DNAJC24: variants seen among roughly 807,000 people sequenced by gnomAD.
DNAJC24 encodes the protein DnaJ heat shock protein family (Hsp40) member C24.
Under a neutral mutation model 18.0 loss-of-function variants are expected in DNAJC24, and 17 were observed. The ratio of observed to expected loss-of-function variants is 0.94; its 90% CI spans 0.65 to 1.42. The LOEUF is 1.42. Ranked by LOEUF, DNAJC24 falls within the 40% of genes most tolerant of loss-of-function variation. The pLI is 0.00. For missense variants in DNAJC24, 158 were observed against 175.6 expected (o/e 0.90, Z 0.57); for synonymous variants, 55 against 57.7 (o/e 0.95, Z 0.21).
At chr11:31,421,892 G>A (rs1952807342) in intron 3 of DNAJC24, 2 of 397,048 alleles carry the variant, frequency 5.0e-6, no homozygotes, top group East Asian at 8.5e-5. Flanking sequence ...ACTGAACCAA[G>A]CTGCTAATAG....
At chr11:31,419,891 A>G (rs760267017) in intron 3 of DNAJC24, among the ~76,000 whole-genome samples, 4 of 152,212 alleles carry the variant, frequency 2.6e-5, no homozygotes, top group Non-Finnish European at 5.9e-5. Context: ...TATTCTCACA[A>G]CTACCACAGT....
In DNAJC24 at chr11:31,430,422, G is replaced by A. The variant is rs1343054483; in HGVS notation, c.*21G>A. The stretch of plus-strand genomic sequence containing the variant: ...ACTAAAATTGTTCACAACTTGAAAT[G>A]CTTTAACTGTGGTATTGAGACATGA... On this transcript the variant is annotated 3_prime_UTR_variant, in exon 5 of 5. Coordinates refer to ENST00000465995, the MANE Select transcript of DNAJC24 (RefSeq NM_181706.5). 3 of 1,594,398 alleles carry A rather than the reference G, an allele frequency of 1.9e-6. No individual in the cohort carries two copies. The African/African-American group carries it at 4.0e-5, about 21-fold the overall frequency.
At chr11:31,370,579 A>G (rs1374689775) in intron 1 of DNAJC24, 137 bp from the exon 2 acceptor site, 2 of 454,390 alleles carry the variant, frequency 4.4e-6, no homozygotes, top group Non-Finnish European at 7.9e-6. Flanking sequence ...TTTTAAATGA[A>G]AATCTGTGCT....
At position 31,430,329 on chromosome 11, in the gene DNAJC24, T is replaced by C; in HGVS notation, c.378T>C (p.Asp126=). The part of the protein sequence containing the change: ...RCGGKYSVSK[D]EAEEVSLISC... ...GTGGAAAATACAGTGTTTCCAAGGA[T>C]GAAGCGGAAGAAGTTAGCCTGATTT... The change falls in exon 5 of 5, where the codon GAT becomes GAC. Residue 126 remains aspartate, a synonymous_variant. Transcript: ENST00000465995. 4 of 1,612,164 alleles carry C rather than the reference T, an allele frequency of 2.5e-6. No individual in the cohort carries two copies. The highest frequency in any genetic ancestry group is 2.5e-6 in the Non-Finnish European group (3 of 1,178,636).
At chr11:31,418,074 A>G (rs999088179) in intron 3 of DNAJC24, among the ~76,000 whole-genome samples, 1 of 152,090 alleles carries the variant, frequency 6.6e-6, no homozygotes, top group African/African-American at 2.4e-5. Flanking sequence ...ATGAGTAATA[A>G]TTAGTTCCCA....
At chr11:31,423,237 T>G (rs1390166850) in intron 3 of DNAJC24, among the ~76,000 whole-genome samples, 1 of 152,178 alleles carries the variant, frequency 6.6e-6, no homozygotes, top group Non-Finnish European at 1.5e-5. Context: ...ACACACCCAT[T>G]TAACCAGAAA....
intron 2 of DNAJC24, among the ~76,000 whole-genome samples, chr11:31,403,124 CATGT>C (rs1232886443): frequency 2.7e-5 from 3 of 113,084 alleles, no homozygotes; most frequent in East Asian, 3.0e-4. Context: ...TGCATATATG[CATGT>C]GTGTGTGTGT....
chr11:31,370,404 T>C (rs1235352890), intron 1 of DNAJC24, among the ~76,000 whole-genome samples: 1 of 152,184 alleles, frequency 6.6e-6, no homozygotes, highest in Non-Finnish European at 1.5e-5. Context: ...AGTTTTATCA[T>C]AAGACTAGCA....
intron 2 of DNAJC24, among the ~76,000 whole-genome samples, chr11:31,390,430 G>A (rs1435240360): frequency 1.4e-5 from 2 of 147,658 alleles, no homozygotes; most frequent in Admixed American, 6.8e-5. Flanking sequence ...ATTAAAGGCC[G>A]GGTGCGGTGG....
rs1156601849 is a variant in DNAJC24, at chr11:31,430,606, T to A, written c.*205T>A. 3.9e-6 allele frequency: 1 copy of A among 257,704 alleles called. No individual in the cohort carries two copies. Among genetic ancestry groups the A allele is most frequent in the East Asian group, 7.9e-5 (1 of 12,706 alleles). The allele number at this position is 257,704 out of a possible 1,614,324, so 16.0% of individuals were successfully genotyped here. ...ATTTATAATTTATATTTACAAGTTG[T>A]CACAAAAATAGATTTGATTATATTT... On this transcript the variant is annotated 3_prime_UTR_variant, in exon 5 of 5. Coordinates refer to ENST00000465995, the MANE Select transcript of DNAJC24 (RefSeq NM_181706.5).
chr11:31,380,925 G>A (rs1312557872), intron 2 of DNAJC24, among the ~76,000 whole-genome samples: 1 of 152,066 alleles, frequency 6.6e-6, no homozygotes, highest in Non-Finnish European at 1.5e-5. Flanking sequence ...TATTAGTAAA[G>A]ATTTTTAAAG....
intron 3 of DNAJC24, chr11:31,415,942 A>G (rs922924026): frequency 2.0e-5 from 3 of 152,214 alleles, no homozygotes; most frequent in Non-Finnish European, 2.9e-5. Context: ...AGATGAAGCC[A>G]GTGACATTTG....
In DNAJC24 at chr11:31,370,763, G is replaced by A. The variant is rs989543073; in HGVS notation, c.15G>A (p.Glu5=). The change falls in exon 2 of 5, where the codon GAG becomes GAA. Residue 5 remains glutamate, a synonymous_variant. Transcript: ENST00000465995. MMAV[E]QMPKKDWYSI... is the part of the protein sequence containing the mutation. ...TGGTTCCATGGATGATGGCGGTTGA[G>A]CAGATGCCAAAAAAGGATTGGTACA... 7.3e-5 allele frequency: 117 copies of A among 1,608,978 alleles called. No individual in the cohort carries two copies. The highest frequency in any genetic ancestry group is 9.8e-5 in the Non-Finnish European group (116 of 1,178,218).
At chr11:31,426,521 CTTTA>C (rs1170183677) in intron 4 of DNAJC24, 166 bp downstream of exon 4, 4 of 488,140 alleles carry the variant, frequency 8.2e-6, no homozygotes, top group Non-Finnish European at 1.1e-5. Flanking sequence ...TAATTCTAAA[CTTTA>C]TTTATTGACT....
intron 2 of DNAJC24, chr11:31,408,350 A>G (rs1401403786): frequency 5.4e-6 from 2 of 371,582 alleles, no homozygotes; most frequent in East Asian, 1.5e-4. Flanking sequence ...AAGAATTGAT[A>G]TTTGTAACAA....
At chr11:31,426,459 T>C in intron 4 of DNAJC24, 104 bp downstream of exon 4, 1 of 654,768 alleles carries the variant, frequency 1.5e-6, no homozygotes, top group Non-Finnish European at 2.5e-6. Flanking sequence ...GAAATAATAG[T>C]GTGGCTTTCT....
At chr11:31,388,419 G>A (rs1055585867) in intron 2 of DNAJC24, among the ~76,000 whole-genome samples, 4 of 152,190 alleles carry the variant, frequency 2.6e-5, no homozygotes, top group African/African-American at 7.2e-5. Context: ...TCTGGCACCA[G>A]CCTTCCCAGT....
chr11:31,395,033 C>A (rs1952531993), intron 2 of DNAJC24, among the ~76,000 whole-genome samples: 1 of 152,160 alleles, frequency 6.6e-6, no homozygotes, highest in African/African-American at 2.4e-5. Context: ...CCTCTTCCCA[C>A]CCTCCACTCT....
At chr11:31,421,461 A>T (rs1952803279) in intron 3 of DNAJC24, among the ~76,000 whole-genome samples, 1 of 152,216 alleles carries the variant, frequency 6.6e-6, no homozygotes, top group Non-Finnish European at 1.5e-5. Flanking sequence ...TGTGATGATC[A>T]TGTGAATAAC....
Sources: gnomAD v4.1 joint callset for allele counts (sites outside exome capture counted in the v4.1 genomes callset) on GRCh38, gnomAD v4.1.1 for gene constraint, MANE v1.5 for transcripts, NCBI Gene and HGNC (gene_info 2026-07-23, HGNC 2026-07-21) for gene names.